Variants in ANKFY1 observed in about 807,000 individuals in gnomAD.
ANKFY1 encodes ankyrin repeat and FYVE domain-containing protein 1.
In ANKFY1, 47 loss-of-function variants were observed where a neutral mutation model predicts 128.3. That is an observed-to-expected ratio of 0.37 (90% confidence interval 0.29 to 0.47). The LOEUF (loss-of-function observed/expected upper bound fraction) is 0.47, where lower values mean the gene tolerates loss of function less well. Among genes scored for constraint, ANKFY1 ranks in the 20% least tolerant of loss-of-function variants. The pLI, the probability that ANKFY1 is intolerant of heterozygous loss-of-function variation, is 1.00. For synonymous variants in ANKFY1, 553 were observed against 601.6 expected, an observed-to-expected ratio of 0.92 and a Z score of 1.18; for missense variants, 1,222 against 1,510.6, an observed-to-expected ratio of 0.81 and a Z score of 3.17.
intron 22 of ANKFY1, among the ~76,000 whole-genome samples, chr17:4,171,065 G>A (rs892331916): frequency 3.9e-5 from 6 of 152,196 alleles, no homozygotes; most frequent in East Asian, 1.9e-4. Flanking sequence ...ATGTGGCCAC[G>A]AGCCAAAGAA....
At chr17:4,250,840 G>T (rs573389253) in intron 1 of ANKFY1, among the ~76,000 whole-genome samples, 1 of 152,166 alleles carries the variant, frequency 6.6e-6, no homozygotes, top group East Asian at 1.9e-4. Flanking sequence ...TCAGTATGGC[G>T]CCCAAGCTGG....
rs1055476802 is a variant in ANKFY1 at position 4,195,084 on chromosome 17, G to C, written c.1266C>G (p.Pro422=). The stretch of plus-strand genomic sequence containing the variant: ...CATTTACCACGGGGACATCTTCGAA[G>C]GGGTTCACAGACTGGTCAGAAGACA... ...ITVSSDQSVN[P]FEDVPVVNGT... Residue 422 remains proline (P), a synonymous_variant, in exon 10 of 25, where the codon CCC becomes CCG. Transcript: ENST00000341657. The C allele has an allele frequency of 6.2e-7, 1 of 1,614,060 alleles. No homozygotes were observed. Among genetic ancestry groups the C allele is most frequent in the Non-Finnish European group, 8.5e-7 (1 of 1,180,052 alleles).
intron 8 of ANKFY1, among the ~76,000 whole-genome samples, chr17:4,196,603 G>C (rs1369929568): frequency 6.6e-6 from 1 of 152,184 alleles, no homozygotes; most frequent in Non-Finnish European, 1.5e-5. Flanking sequence ...ATATGCAAAG[G>C]GCCGTGCTAT....
chr17:4,173,854 C>T, intron 20 of ANKFY1, 55 bp downstream of exon 20: 1 of 1,576,344 alleles, frequency 6.3e-7, no homozygotes, highest in South Asian at 1.2e-5. Flanking sequence ...GCACTGCACC[C>T]CCACCCCTAG....
intron 1 of ANKFY1, among the ~76,000 whole-genome samples, chr17:4,247,102 G>A (rs1967582607): frequency 6.7e-6 from 1 of 149,620 alleles, no homozygotes; most frequent in African/African-American, 2.5e-5. Flanking sequence ...GTGACAGAGA[G>A]AGACCCTGTC....
rs1439325131 is a variant in ANKFY1, at chr17:4,263,272, C to CG, written c.10+659dup. Among the ~76,000 whole-genome samples the CG allele has an allele frequency of 3.3e-5, 5 of 152,320 alleles. No homozygotes were observed. The East Asian group carries it at 9.7e-4, about 29-fold the overall frequency. On this transcript the variant is annotated intron_variant, in intron 1 of 24. Coordinates refer to ENST00000341657, the MANE Select transcript of ANKFY1 (RefSeq NM_001330063.2). ...ACGAGACCAGAGGGTAGGCACTGGA[C>CG]GGGGAGGCAAAGGCACAGAGGTCTG...
At chr17:4,227,746 A>C (rs1256281973) in intron 3 of ANKFY1, among the ~76,000 whole-genome samples, 3 of 152,230 alleles carry the variant, frequency 2.0e-5, no homozygotes, top group Non-Finnish European at 4.4e-5. Context: ...TAAAATTGTC[A>C]ATAACACACA....
chr17:4,177,387 G>C (rs890235964), intron 18 of ANKFY1, 85 bp from the exon 19 acceptor site: 5 of 1,244,870 alleles, frequency 4.0e-6, no homozygotes, highest in Non-Finnish European at 5.5e-6. Flanking sequence ...CTGACCACTG[G>C]AGAGGTCACG....
chr17:4,263,407 G>A (rs1968527252), intron 1 of ANKFY1, among the ~76,000 whole-genome samples: 1 of 152,202 alleles, frequency 6.6e-6, no homozygotes, highest in South Asian at 2.1e-4. Flanking sequence ...GGTTGCAGCA[G>A]AGCCGGAGCC....
At chr17:4,241,722 C>T (rs1241605233) in intron 2 of ANKFY1, among the ~76,000 whole-genome samples, 11 of 152,032 alleles carry the variant, frequency 7.2e-5, no homozygotes, top group Non-Finnish European at 1.5e-5. Context: ...TAAGTCAATT[C>T]CTGCTTGATT....
chr17:4,252,621 G>A (rs1418576911), intron 1 of ANKFY1, among the ~76,000 whole-genome samples: 1 of 152,182 alleles, frequency 6.6e-6, no homozygotes, highest in East Asian at 1.9e-4. Flanking sequence ...TAATGGAAAT[G>A]CAAAATGGCA....
intron 4 of ANKFY1, among the ~76,000 whole-genome samples, chr17:4,211,542 A>G (rs2060130960): frequency 6.6e-6 from 1 of 152,128 alleles, no homozygotes; most frequent in Admixed American, 6.5e-5. Flanking sequence ...AAGCCGCATA[A>G]TAATAAAAAC....
chr17:4,242,033 G>T (rs113799257), intron 2 of ANKFY1, among the ~76,000 whole-genome samples: 11 of 149,706 alleles, frequency 7.3e-5, no homozygotes, highest in African/African-American at 2.2e-4. Flanking sequence ...AGGCTGCAAT[G>T]AGCCGTGATC....
intron 1 of ANKFY1, among the ~76,000 whole-genome samples, chr17:4,260,326 G>T (rs553904966): frequency 6.6e-6 from 1 of 151,998 alleles, no homozygotes; most frequent in African/African-American, 2.4e-5. Flanking sequence ...ACTTACAAAC[G>T]AAGCTTAGGG....
In ANKFY1 at chr17:4,172,598, G is replaced by A. The variant is rs751215327; in HGVS notation, c.3097C>T (p.Pro1033Ser). 3 of 1,614,038 alleles carry A rather than the reference G, an allele frequency of 1.9e-6. No homozygotes were observed. Among genetic ancestry groups the A allele is most frequent in the Admixed American group, 3.3e-5 (2 of 60,018 alleles). ...AIFDLFLECM[P>S]GYPLDKPDAD... ...TCCGGCTTGTCCAGAGGATACCCCG[G>A]CATGCATTCTAGGAAGAGATCAAAG... The change falls in exon 22 of 25, where the codon CCG (proline) becomes TCG (serine). Residue 1033 changes from proline to serine, a missense_variant. Physicochemically the swap from Pro to Ser is moderately conservative, Grantham distance 74. Coordinates refer to ENST00000341657, the MANE Select transcript of ANKFY1 (RefSeq NM_001330063.2).
chr17:4,262,616 G>A (rs533354429), intron 1 of ANKFY1, among the ~76,000 whole-genome samples: 2 of 151,514 alleles, frequency 1.3e-5, no homozygotes, highest in South Asian at 2.1e-4. Context: ...GTGTGGTGGC[G>A]AGCGCCCCTG....
chr17:4,198,564 G>C (rs2059869587), intron 7 of ANKFY1, among the ~76,000 whole-genome samples: 1 of 151,942 alleles, frequency 6.6e-6, no homozygotes, highest in Non-Finnish European at 1.5e-5. Flanking sequence ...TAGGGACGGG[G>C]TTTCACCATG....
In ANKFY1 at chr17:4,178,488, A is replaced by G. The variant is rs182915044; in HGVS notation, c.2598+369T>C. The G allele has an allele frequency of 3.8e-4, 98 of 254,872 alleles. 1 individual carries two copies. The East Asian group carries it at 4.1e-3, about 11-fold the overall frequency. The allele number at this position is 254,872 out of a possible 1,614,324, so 15.8% of individuals were successfully genotyped here. A position where few individuals can be genotyped will look rare whatever the true frequency, so the allele number is the denominator to read the frequency against. ...TACTGAGCAACTGAACTCCTCGGAA[A>G]CACTCAGGAAGTTGCCCCAACATCA... On this transcript the variant is annotated intron_variant, in intron 18 of 24. Coordinates refer to ENST00000341657, the MANE Select transcript of ANKFY1 (RefSeq NM_001330063.2). This position sits in a 1 kb window ranked among gnomAD's most constrained non-coding sequence, Gnocchi z 4.1.
chr17:4,172,694 T>G lies in ANKFY1; in HGVS notation c.3015-14A>C. On this transcript the variant is annotated splice_polypyrimidine_tract_variant and intron_variant, in intron 21 of 24. Coordinates refer to ENST00000341657, the MANE Select transcript of ANKFY1 (RefSeq NM_001330063.2). ...GGTGACTGGCCTCTGATAAAACAAG[T>G]TGGAAAAGTTAGGAATGTATCTGCC... The G allele has an allele frequency of 6.2e-7, 1 of 1,613,296 alleles. No individual in the cohort carries two copies. Among genetic ancestry groups the G allele is most frequent in the Non-Finnish European group, 8.5e-7 (1 of 1,179,744 alleles).
Sources: gnomAD v4.1 joint callset for allele counts (sites outside exome capture counted in the v4.1 genomes callset) on GRCh38, gnomAD v4.1.1 for gene constraint, Gnocchi (gnomAD v3.1) non-coding constraint, MANE v1.5 for transcripts, NCBI Gene and HGNC (gene_info 2026-07-23, HGNC 2026-07-21) for gene names.